The following C10orf105 variants were observed in gnomAD, a reference collection of about 807,000 sequenced individuals.
C10orf105 encodes chromosome 10 open reading frame 105.
A neutral mutation model predicts 0.6 loss-of-function variants in C10orf105; 2 were observed. That is an observed-to-expected ratio of 3.18 (90% CI 1.30 to 10.01). The LOEUF (loss-of-function observed/expected upper bound fraction) is 10.01, where lower values mean the gene tolerates loss of function less well. Ranked by LOEUF, C10orf105 falls within the 30% of genes most tolerant of loss-of-function variation. The probability of loss-of-function intolerance (pLI) is 0.04; values close to 1 mark genes in which losing one functional copy is unlikely to be tolerated. For missense variants in C10orf105, 209 were observed against 191.4 expected (o/e 1.09, Z -0.54); for synonymous variants, 95 against 82.4 (o/e 1.15, Z -0.83).
chr10:71,737,133 C>A (rs1481303820), intron 1 of C10orf105, among the ~76,000 whole-genome samples: 1 of 152,118 alleles, frequency 6.6e-6, no homozygotes, highest in Non-Finnish European at 1.5e-5. Flanking sequence ...TTGTTTTTCC[C>A]ATTTCAAATG....
upstream of C10orf105, among the ~76,000 whole-genome samples, chr10:71,722,277 C>CA (rs911333270): frequency 1.6e-4 from 24 of 151,780 alleles, no homozygotes; most frequent in Admixed American, 2.6e-4. Flanking sequence ...CCTGTCTCTA[C>CA]AAAAAAAATA....
upstream of C10orf105, chr10:71,723,951 A>G: frequency 2.9e-6 from 4 of 1,375,716 alleles, no homozygotes; most frequent in Non-Finnish European, 4.0e-6. Context: ...AGGATGGGGT[A>G]GGATGCGTGA....
chr10:71,721,305 G>A (rs1172226246), upstream of C10orf105, among the ~76,000 whole-genome samples: 1 of 152,186 alleles, frequency 6.6e-6, no homozygotes, highest in Non-Finnish European at 1.5e-5. Flanking sequence ...GAACTGCACG[G>A]CAAGGGGCAA....
upstream of C10orf105, chr10:71,723,933 G>A (rs1038539014): frequency 2.4e-6 from 3 of 1,235,560 alleles, no homozygotes; most frequent in African/African-American, 4.5e-5. Context: ...GAGACCACAG[G>A]TTTTGGCAGG....
intron 1 of C10orf105, among the ~76,000 whole-genome samples, chr10:71,731,427 ACG>A (rs1245147958): frequency 1.3e-5 from 2 of 152,192 alleles, no homozygotes; most frequent in Non-Finnish European, 2.9e-5. Context: ...TAGGGCACAT[ACG>A]CGGCTGTGGC....
At chr10:71,731,861 G>T in intron 1 of C10orf105, 1 of 918,680 alleles carries the variant, frequency 1.1e-6, no homozygotes, top group Non-Finnish European at 1.6e-6. Flanking sequence ...TGATCCTGCC[G>T]GCAGAGGTGG....
At chr10:71,732,824 C>A in intron 1 of C10orf105, 1 of 496,230 alleles carries the variant, frequency 2.0e-6, no homozygotes, top group Non-Finnish European at 2.7e-6. Context: ...CCATTATCGG[C>A]AACCAATTAT....
At position 71,730,576 on chromosome 10, in the gene C10orf105, C is replaced by G; in HGVS notation, c.-6+7152G>C. ...CCGCAGGCATTGGAACGTCAGTCAT[C>G]GTGGTCCAAGCCACAGACCGAGACT... On this transcript the variant is annotated intron_variant, in intron 1 of 1. Coordinates refer to the C10orf105 transcript ENST00000398786. The G allele has an allele frequency of 1.2e-6, 2 of 1,613,822 alleles. No homozygotes were observed. Among genetic ancestry groups the G allele is most frequent in the Non-Finnish European group, 1.7e-6 (2 of 1,179,880 alleles).
At chr10:71,716,714 A>G in intron 1 of C10orf105, 1 of 194,374 alleles carries the variant, frequency 5.1e-6, no homozygotes, top group Non-Finnish European at 1.0e-5. Context: ...GTGGCCAGGA[A>G]CGAGTTATGG....
chr10:71,724,056 G>T (rs752407400), upstream of C10orf105: 4 of 1,560,018 alleles, frequency 2.6e-6, no homozygotes, highest in Non-Finnish European at 1.7e-6. Flanking sequence ...TGAAAGCCAC[G>T]GACGCAGATG....
intron 1 of C10orf105, among the ~76,000 whole-genome samples, chr10:71,726,958 G>C (rs986906812): frequency 1.3e-5 from 2 of 152,218 alleles, no homozygotes; most frequent in African/African-American, 4.8e-5. Flanking sequence ...AGGGTACAGT[G>C]TAAAACAGAT....
At position 71,732,271 on chromosome 10, in the gene C10orf105, C is replaced by A. The variant is rs373276722; in HGVS notation, c.-6+5457G>T. 12 of 1,613,012 alleles carry A rather than the reference C, an allele frequency of 7.4e-6. No homozygotes were observed. Among genetic ancestry groups the A allele is most frequent in the African/African-American group, 2.7e-5 (2 of 75,022 alleles). On this transcript the variant is annotated intron_variant, in intron 1 of 1. Coordinates refer to the C10orf105 transcript ENST00000398786. ...TCTGGCACTGGGTACTGAGATTGTGCGGGTCCAGGCCTACTCCATCGACAA... is the reference window on the plus strand; with the variant it reads ...TCTGGCACTGGGTACTGAGATTGTGAGGGTCCAGGCCTACTCCATCGACAA...
chr10:71,723,767 T>A (rs1866675890), upstream of C10orf105, among the ~76,000 whole-genome samples: 1 of 152,136 alleles, frequency 6.6e-6, no homozygotes. Context: ...AGTGCCATCT[T>A]TCACCTTCTC....
intron 1 of C10orf105, among the ~76,000 whole-genome samples, chr10:71,726,469 A>T (rs563234899): frequency 3.9e-4 from 60 of 152,238 alleles, no homozygotes; most frequent in African/African-American, 1.4e-3. Context: ...CTCAGCCCTG[A>T]CCCAGCTCCT....
At position 71,716,631 on chromosome 10, in the gene C10orf105, A is replaced by G. The variant is rs77261748; in HGVS notation, c.-5-289T>C. ...GGGCGGTGGCCTGTCCGCATTTTCA[A>G]ATCAATCCTCATGAATCATCACAGG... On this transcript the variant is annotated intron_variant, in intron 1 of 1. Coordinates refer to ENST00000441508, the MANE Select transcript of C10orf105 (RefSeq NM_001164375.3). 5.0e-3 allele frequency: 1,681 copies of G among 335,454 alleles called. 50 individuals are homozygous for G. In the East Asian group the frequency reaches 0.069, roughly 14 times the overall value. The allele number at this position is 335,454 out of a possible 1,614,324, so 20.8% of individuals were successfully genotyped here. A position where few individuals can be genotyped will look rare whatever the true frequency, so the allele number is the denominator to read the frequency against.
In C10orf105 at chr10:71,728,982, T is replaced by C. The variant is rs566430712; in HGVS notation, c.-6+8746A>G. Among the ~76,000 whole-genome samples the C allele has an allele frequency of 3.3e-5, 5 of 151,936 alleles. No individual in the cohort carries two copies. In the South Asian group the frequency reaches 1.0e-3, roughly 32 times the overall value. ...AGTAGCTGGGACTACAGGTGCGTGC[T>C]ATCACCCCTGGCTAATTTTTTTTTG... On this transcript the variant is annotated intron_variant, in intron 1 of 1. Transcript: ENST00000398786.
At chr10:71,731,081 G>T (rs940362082) in intron 1 of C10orf105, among the ~76,000 whole-genome samples, 9 of 152,352 alleles carry the variant, frequency 5.9e-5, no homozygotes, top group African/African-American at 2.2e-4. Context: ...TAGCCTGAAG[G>T]CAGCCTGAAC....
upstream of C10orf105, among the ~76,000 whole-genome samples, chr10:71,723,416 C>G (rs1005613460): frequency 1.3e-5 from 2 of 152,136 alleles, no homozygotes; most frequent in African/African-American, 4.8e-5. Flanking sequence ...TCCCCCCCCA[C>G]ACACAAGCCC....
chr10:71,719,043 G>A (rs891382951), intron 1 of C10orf105, among the ~76,000 whole-genome samples: 7 of 151,872 alleles, frequency 4.6e-5, no homozygotes, highest in East Asian at 1.9e-4. Flanking sequence ...ATGCCACTGC[G>A]CTACAGCCTG....
Sources: gnomAD v4.1 joint callset for allele counts (sites outside exome capture counted in the v4.1 genomes callset) on GRCh38, gnomAD v4.1.1 for gene constraint, MANE v1.5 for transcripts, NCBI Gene and HGNC (gene_info 2026-07-23, HGNC 2026-07-21) for gene names.